MTOR: variants seen among roughly 807,000 people sequenced by gnomAD.
The protein encoded by MTOR is mechanistic target of rapamycin kinase, also known as serine/threonine-protein kinase mTOR.
A neutral mutation model predicts 319.8 loss-of-function variants in MTOR; 70 were observed. That is an observed-to-expected ratio of 0.22 (90% CI 0.18 to 0.27). The LOEUF is 0.27. MTOR is among the 10% of genes least tolerant of loss of function. The pLI is 1.00. For synonymous variants in MTOR, 1,183 were observed against 1,211.4 expected (o/e 0.98, Z 0.49); for missense variants, 1,890 against 3,274.4 (o/e 0.58, Z 10.32).
chr1:11,173,919 A>C (rs879755562), intron 28 of MTOR, among the ~76,000 whole-genome samples: 1 of 152,230 alleles, frequency 6.6e-6, no homozygotes, highest in Non-Finnish European at 1.5e-5. Context: ...CAACAAGAAG[A>C]AGATACAAGA....
chr1:11,238,763 CTTCT>C, intron 11 of MTOR, 146 bp from the exon 12 acceptor site: 4 of 607,504 alleles, frequency 6.6e-6, no homozygotes, highest in Non-Finnish European at 8.1e-6. Context: ...ACCCGGAACT[CTTCT>C]TTTTTTTTTT....
intron 16 of MTOR, among the ~76,000 whole-genome samples, chr1:11,231,935 C>T (rs1040473545): frequency 1.1e-4 from 16 of 152,048 alleles, no homozygotes; most frequent in African/African-American, 3.9e-4. Flanking sequence ...GCCCAGGTTG[C>T]TCTCGCTCTG....
Position 11,128,919 on chromosome 1 carries a change from C to A in MTOR, c.5747G>T (p.Trp1916Leu). ...CACTAAGGCCTCATTGACATCTGGC[C>A]AGTGACCATAATCAAACCATAAGGT... ...VLTLWFDYGH[W>L]PDVNEALVEG... Residue 1916 changes from tryptophan to leucine, a missense_variant, in exon 41 of 58, where the codon TGG becomes TTG. Coordinates refer to ENST00000361445, the MANE Select transcript of MTOR (RefSeq NM_004958.4). This position sits in a 1 kb window ranked among gnomAD's most constrained non-coding sequence, Gnocchi z 5.3. The A allele has an allele frequency of 5.0e-6, 8 of 1,613,852 alleles. No homozygotes were observed. Among genetic ancestry groups the A allele is most frequent in the Non-Finnish European group, 6.8e-6 (8 of 1,179,898 alleles).
rs1648663445 is a variant in MTOR, at chr1:11,245,258, T to C, written c.1226-1958A>G. On this transcript the variant is annotated intron_variant, in intron 8 of 57. Transcript: ENST00000361445. ...CTGGAATTTCCTGATTCTTGCTTCT[T>C]GTCTATTTATTTCTTCTCTTCCATT... Among the ~76,000 whole-genome samples the C allele has an allele frequency of 2.0e-5, 3 of 152,328 alleles. 1 individual carries two copies. In the South Asian group the frequency reaches 6.2e-4, roughly 32 times the overall value.
At chr1:11,171,747 A>T (rs1644820909) in intron 28 of MTOR, among the ~76,000 whole-genome samples, 1 of 152,056 alleles carries the variant, frequency 6.6e-6, no homozygotes, top group Non-Finnish European at 1.5e-5. Flanking sequence ...TTTAAGAGAG[A>T]GTCCAGGCCA....
chr1:11,159,842 A>C (rs1402607659), intron 29 of MTOR, among the ~76,000 whole-genome samples: 3 of 152,108 alleles, frequency 2.0e-5, no homozygotes, highest in Non-Finnish European at 4.4e-5. Context: ...TGACTAACAA[A>C]AGGTTCCTCA....
intron 29 of MTOR, 34 bp from the exon 30 acceptor site, chr1:11,157,325 A>C (rs374757531): frequency 7.5e-6 from 12 of 1,604,220 alleles, no homozygotes; most frequent in Non-Finnish European, 1.0e-5. Flanking sequence ...GCTGTGAGGT[A>C]CACAGAAGAA....
At chr1:11,186,825 C>T (rs887233273) in intron 28 of MTOR, among the ~76,000 whole-genome samples, 2 of 152,062 alleles carry the variant, frequency 1.3e-5, no homozygotes, top group Non-Finnish European at 2.9e-5. Context: ...GAGAAATATC[C>T]TTAATTAGCT....
chr1:11,238,348 A>G (rs1284851355), intron 12 of MTOR, 54 bp downstream of exon 12: 16 of 1,576,962 alleles, frequency 1.0e-5, no homozygotes, highest in South Asian at 2.2e-5. Context: ...GGCTACTCCC[A>G]ATTGTCCTAA....
chr1:11,218,491 A>G (rs916196240), intron 19 of MTOR, among the ~76,000 whole-genome samples: 2 of 152,180 alleles, frequency 1.3e-5, no homozygotes, highest in Non-Finnish European at 2.9e-5. Flanking sequence ...AAGGTTCTTC[A>G]GGCAAATTTT....
At chr1:11,207,322 G>C (rs1290347047) in intron 25 of MTOR, among the ~76,000 whole-genome samples, 1 of 151,400 alleles carries the variant, frequency 6.6e-6, no homozygotes, top group Non-Finnish European at 1.5e-5. Flanking sequence ...AGCTGGTCTT[G>C]AACTCCTGGG....
chr1:11,238,929 ATT>A (rs35499063), intron 11 of MTOR, among the ~76,000 whole-genome samples: 48 of 139,452 alleles, frequency 3.4e-4, no homozygotes, highest in Non-Finnish European at 6.0e-4. Flanking sequence ...CGCCTGGCTA[ATT>A]TTTTTTTTTT....
intron 2 of MTOR, among the ~76,000 whole-genome samples, 168 bp from the exon 3 acceptor site, chr1:11,258,761 C>T (rs1381137614): frequency 1.3e-5 from 2 of 152,166 alleles, no homozygotes; most frequent in Non-Finnish European, 2.9e-5. Flanking sequence ...AGTACCTGAA[C>T]TTGCAATCAT....
intron 28 of MTOR, among the ~76,000 whole-genome samples, chr1:11,191,445 C>T (rs1016877144): frequency 3.9e-5 from 6 of 152,166 alleles, no homozygotes; most frequent in African/African-American, 1.4e-4. Flanking sequence ...GTGCTCCTCT[C>T]TAAGGTCCCA....
chr1:11,241,616 A>T lies in MTOR; in HGVS notation c.1478T>A (p.Met493Lys). The part of the protein sequence containing the change: ...FTCISMLARA[M>K]GPGIQQDIKE... Reference sequence around the variant, plus strand: ...GATATCCTGCTGGATGCCTGGCCCCATTGCTCGAGCCAGCATGCTGATGCA... The same window carrying T: ...GATATCCTGCTGGATGCCTGGCCCCTTTGCTCGAGCCAGCATGCTGATGCA... Residue 493 changes from methionine to lysine, a missense_variant, in exon 10 of 58, where the codon ATG (methionine) becomes AAG (lysine). By Grantham distance (95) the Met-to-Lys change is moderately conservative (BLOSUM62 -1). Coordinates refer to ENST00000361445, the MANE Select transcript of MTOR (RefSeq NM_004958.4). 6.2e-7 allele frequency: 1 copy of T among 1,614,074 alleles called. No homozygotes were observed. Among genetic ancestry groups the T allele is most frequent in the Non-Finnish European group, 8.5e-7 (1 of 1,179,978 alleles).
intron 47 of MTOR, among the ~76,000 whole-genome samples, chr1:11,122,526 T>A (rs1027292409): frequency 1.6e-5 from 2 of 121,452 alleles, no homozygotes; most frequent in African/African-American, 6.6e-5. Context: ...TTTTTTTTTT[T>A]AGATGGAGTC....
intron 28 of MTOR, chr1:11,194,375 A>G (rs768815290): frequency 5.6e-6 from 7 of 1,256,442 alleles, no homozygotes; most frequent in Non-Finnish European, 8.1e-6. Flanking sequence ...ATGTTTGGCT[A>G]TGGGACTGTC....
intron 28 of MTOR, chr1:11,194,694 G>T (rs1329215150): frequency 1.2e-6 from 2 of 1,613,180 alleles, no homozygotes; most frequent in South Asian, 2.2e-5. Context: ...GAGAAGTTCA[G>T]GTACAAGCTC....
chr1:11,256,034 G>C lies in MTOR; in HGVS notation c.663C>G (p.Thr221=), dbSNP rs112439072. The C allele has an allele frequency of 6.0e-4, 970 of 1,614,102 alleles. 6 individuals are homozygous for C. Among genetic ancestry groups the C allele is most frequent in the African/African-American group, 5.7e-3 (428 of 75,020 alleles). ...TCTGCATCTCCTTCGGCTCACGCTG[G>C]GTTGTGAGAATCAGACAGGCACGAA... is the stretch of plus-strand genomic sequence containing the variant. ...AALRACLILT[T]QREPKEMQKP... The change falls in exon 5 of 58, where the codon ACC becomes ACG. Residue 221 remains threonine (T), a synonymous_variant. Transcript: ENST00000361445.
Sources: gnomAD v4.1 joint callset for allele counts (sites outside exome capture counted in the v4.1 genomes callset) on GRCh38, gnomAD v4.1.1 for gene constraint, Gnocchi (gnomAD v3.1) non-coding constraint, MANE v1.5 for transcripts, NCBI Gene and HGNC (gene_info 2026-07-23, HGNC 2026-07-21) for gene names.